Variants in PI4K2B observed in about 807,000 individuals in gnomAD.
The protein encoded by PI4K2B is phosphatidylinositol 4-kinase type 2 beta.
In PI4K2B, 46 loss-of-function variants were observed where a neutral mutation model predicts 56.6. That is an observed-to-expected ratio of 0.81 (90% CI 0.64 to 1.04). PI4K2B has a LOEUF of 1.04. PI4K2B is among the 50% of genes least tolerant of loss of function. The probability of loss-of-function intolerance (pLI) is 0.00; values close to 1 mark genes in which losing one functional copy is unlikely to be tolerated. For missense variants in PI4K2B, 556 were observed against 607.7 expected, an observed-to-expected ratio of 0.91 and a Z score of 0.89; for synonymous variants, 211 against 223.8, an observed-to-expected ratio of 0.94 and a Z score of 0.51.
At chr4:25,272,698 G>A (rs1716945556) in intron 9 of PI4K2B, among the ~76,000 whole-genome samples, 1 of 151,988 alleles carries the variant, frequency 6.6e-6, no homozygotes, top group African/African-American at 2.4e-5. Flanking sequence ...GGGAAAAAAA[G>A]ATCTAAAAAA....
chr4:25,253,906 G>A (rs897437423), intron 2 of PI4K2B, among the ~76,000 whole-genome samples: 3 of 152,030 alleles, frequency 2.0e-5, no homozygotes, highest in Non-Finnish European at 2.9e-5. Context: ...TGAGTAGCCG[G>A]GATTACAGGC....
chr4:25,251,948 C>T (rs62411607), intron 1 of PI4K2B, among the ~76,000 whole-genome samples: 3,362 of 152,112 alleles, frequency 0.022, 44 homozygotes, highest in Non-Finnish European at 0.03. Context: ...CTCAGCCTTC[C>T]GAGTAGCTGG....
chr4:25,240,220 A>T (rs185269025), intron 1 of PI4K2B, among the ~76,000 whole-genome samples: 1 of 152,184 alleles, frequency 6.6e-6, no homozygotes, highest in Non-Finnish European at 1.5e-5. Context: ...ACCAGGTGGC[A>T]TCTCGTACTG....
chr4:25,240,985 A>G (rs1283539055), intron 1 of PI4K2B, among the ~76,000 whole-genome samples: 4 of 151,676 alleles, frequency 2.6e-5, no homozygotes, highest in Non-Finnish European at 4.4e-5. Context: ...CCAGCCACTT[A>G]TGCTGCTGTT....
rs1201605872 is a variant in PI4K2B, at chr4:25,260,608, TTTTATATATATA to T, written c.978+19_978+30del. ...GACCATAAGGTAAGGAAATTTACAATTTTATATATATATATATATATATATATATATATACAC... is the reference window on the plus strand; with the variant it reads ...GACCATAAGGTAAGGAAATTTACAATTATATATATATATATATATATACAC... On this transcript the variant is annotated intron_variant, in intron 6 of 9. Coordinates refer to ENST00000264864, the MANE Select transcript of PI4K2B (RefSeq NM_018323.4). The T allele has an allele frequency of 4.7e-6, 2 of 429,234 alleles. No homozygotes were observed. The highest frequency in any genetic ancestry group is 4.8e-5 in the Admixed American group (1 of 21,004). 26.6% of individuals were successfully genotyped at this position (429,234 alleles called of 1,614,324 possible).
chr4:25,275,290 T>C (rs904136934), intron 9 of PI4K2B, among the ~76,000 whole-genome samples: 7 of 152,230 alleles, frequency 4.6e-5, no homozygotes, highest in Non-Finnish European at 1.0e-4. Flanking sequence ...TTTATATTCA[T>C]GGTAGGAACA....
At position 25,263,883 on chromosome 4, in the gene PI4K2B, T is replaced by A. The variant is rs535926746; in HGVS notation, c.1078+34T>A. On this transcript the variant is annotated intron_variant, in intron 7 of 9. Transcript: ENST00000264864. ...TTAGAACCTTCTGTAGAGTCTATAA[T>A]TACCTTTTTTCCAGAATGAGAAGGG... 2.9e-5 allele frequency: 26 copies of A among 903,764 alleles called. 1 individual carries two copies. In the South Asian group the frequency reaches 4.1e-4, roughly 14 times the overall value. 56.0% of individuals were successfully genotyped at this position (903,764 alleles called of 1,614,324 possible). A position where few individuals can be genotyped will look rare whatever the true frequency, so the allele number is the denominator to read the frequency against.
chr4:25,276,770 A>G, intron 9 of PI4K2B: 1 of 985,084 alleles, frequency 1.0e-6, no homozygotes, highest in Non-Finnish European at 1.2e-6. Flanking sequence ...TTTTAAACTT[A>G]CCATCTGGCA....
At chr4:25,235,196 G>A (rs1374371464) in intron 1 of PI4K2B, among the ~76,000 whole-genome samples, 1 of 152,164 alleles carries the variant, frequency 6.6e-6, no homozygotes, top group Non-Finnish European at 1.5e-5. Context: ...AATAGCAAGA[G>A]ACTTGTAAGA....
chr4:25,250,091 C>T (rs1323603745), intron 1 of PI4K2B, among the ~76,000 whole-genome samples: 3 of 152,112 alleles, frequency 2.0e-5, no homozygotes, highest in African/African-American at 7.2e-5. Context: ...TGGCAGCGCG[C>T]GCCTGCAATC....
chr4:25,276,684 A>G, intron 9 of PI4K2B: 1 of 984,880 alleles, frequency 1.0e-6, no homozygotes, highest in Non-Finnish European at 1.2e-6. Flanking sequence ...TGTTAAATTG[A>G]ATATGTATGT....
rs560682160 is a variant in PI4K2B, at chr4:25,271,445, G to A, written c.1272+2242G>A. Among the ~76,000 whole-genome samples, 9 of 152,256 alleles carry A rather than the reference G, an allele frequency of 5.9e-5. No homozygotes were observed. The East Asian group carries it at 1.7e-3, about 29-fold the overall frequency. On this transcript the variant is annotated intron_variant, in intron 9 of 9. Transcript: ENST00000264864. The stretch of plus-strand genomic sequence containing the variant: ...ATTTATATCCCTCAAAAAAGTTAAG[G>A]ACTACTGCAGAAGGCTGGGCTGGAC...
In PI4K2B at chr4:25,234,348, A is replaced by AGGAGCTGCCCCTCCCGCCCGGGGACGT; in HGVS notation, c.188_214dup (p.Glu63_Val71dup). On this transcript the variant is annotated inframe_insertion, in exon 1 of 10. Transcript: ENST00000264864. ...GGGGAGGAGGGCGAGGCCGGCGACG[A>AGGAGCTGCCCCTCCCGCCCGGGGACGT]GGAGCTGCCCCTCCCGCCCGGGGAC... The AGGAGCTGCCCCTCCCGCCCGGGGACGT allele has an allele frequency of 7.1e-7, 1 of 1,409,638 alleles. No homozygotes were observed. Among genetic ancestry groups the AGGAGCTGCCCCTCCCGCCCGGGGACGT allele is most frequent in the Non-Finnish European group, 9.3e-7 (1 of 1,079,220 alleles). The allele number at this position is 1,409,638 out of a possible 1,614,324, so 87.3% of individuals were successfully genotyped here.
rs574810256 is a variant in PI4K2B at position 25,246,611 on chromosome 4, C to T, written c.269-5710C>T. Among the ~76,000 whole-genome samples the T allele has an allele frequency of 1.0e-3, 158 of 152,370 alleles. 1 individual carries two copies. In the South Asian group the frequency reaches 0.011, roughly 10 times the overall value. On this transcript the variant is annotated intron_variant, in intron 1 of 9. Transcript: ENST00000264864. ...CAGGTGGAGCTGCCTGCCAGTCCCACGCCTTGTGCCCACACTCCTCAGCCC... is the reference window on the plus strand; with the variant it reads ...CAGGTGGAGCTGCCTGCCAGTCCCATGCCTTGTGCCCACACTCCTCAGCCC...
chr4:25,276,800 TG>T (rs972467559), intron 9 of PI4K2B: 2 of 845,056 alleles, frequency 2.4e-6, no homozygotes, highest in African/African-American at 5.6e-5. Flanking sequence ...TAATGCTAAT[TG>T]TGTGTGTGTG....
intron 7 of PI4K2B, chr4:25,267,691 C>T (rs893893131): frequency 3.5e-5 from 25 of 718,990 alleles, no homozygotes; most frequent in Non-Finnish European, 4.1e-5. Context: ...TGAATATGCA[C>T]CCTCTCTAGA....
chr4:25,245,890 G>A (rs575856813), intron 1 of PI4K2B, among the ~76,000 whole-genome samples: 2 of 152,172 alleles, frequency 1.3e-5, no homozygotes, highest in Non-Finnish European at 2.9e-5. Context: ...GGCAATAGGC[G>A]ATAGTCCCAT....
intron 9 of PI4K2B, among the ~76,000 whole-genome samples, chr4:25,274,690 T>A (rs1717034400): frequency 6.6e-6 from 1 of 152,216 alleles, no homozygotes; most frequent in Non-Finnish European, 1.5e-5. Context: ...TCAAGTGTCT[T>A]CTGAATTCCC....
rs756854988 is a variant in PI4K2B at position 25,277,206 on chromosome 4, A to G, written c.*19A>G. The G allele has an allele frequency of 1.3e-6, 2 of 1,596,816 alleles. No individual in the cohort carries two copies. Among genetic ancestry groups the G allele is most frequent in the South Asian group, 2.2e-5 (2 of 89,090 alleles). ...CTGGTAGTAAATGTCAGAGTAAGAG[A>G]AACAAACTGTTTAGAATTATCATGT... On this transcript the variant is annotated 3_prime_UTR_variant, in exon 10 of 10. Coordinates refer to ENST00000264864, the MANE Select transcript of PI4K2B (RefSeq NM_018323.4).
Sources: gnomAD v4.1 joint callset for allele counts (sites outside exome capture counted in the v4.1 genomes callset) on GRCh38, gnomAD v4.1.1 for gene constraint, MANE v1.5 for transcripts, NCBI Gene and HGNC (gene_info 2026-07-23, HGNC 2026-07-21) for gene names.